Variants in N4BP2 observed in about 807,000 individuals in gnomAD.
N4BP2 encodes the protein NEDD4-binding protein 2.
A neutral mutation model predicts 152.8 loss-of-function variants in N4BP2; 91 were observed. The ratio of observed to expected loss-of-function variants is 0.60; its 90% CI spans 0.50 to 0.71. The LOEUF (loss-of-function observed/expected upper bound fraction) is 0.71, where lower values mean the gene tolerates loss of function less well. N4BP2 is among the 30% of genes least tolerant of loss of function. N4BP2 has a pLI of 0.00. For synonymous variants in N4BP2, 646 were observed against 705.3 expected, an observed-to-expected ratio of 0.92 and a Z score of 1.33; for missense variants, 1,923 against 2,059.1, an observed-to-expected ratio of 0.93 and a Z score of 1.28.
the N4BP2 span, among the ~76,000 whole-genome samples, chr4:40,178,299 A>G: frequency 1.3e-5 from 2 of 152,252 alleles, no homozygotes; most frequent in African/African-American, 4.8e-5. Flanking sequence ...TAGAATCAGA[A>G]ATGAATAAAT....
At chr4:40,131,582 G>A (rs780381234) in intron 12 of N4BP2, among the ~76,000 whole-genome samples, 15 of 150,440 alleles carry the variant, frequency 1.0e-4, no homozygotes, top group Non-Finnish European at 1.3e-4. Context: ...GTGTGTGTGT[G>A]TATATTTATA....
intron 5 of N4BP2, among the ~76,000 whole-genome samples, chr4:40,111,433 G>A (rs1375923035): frequency 6.6e-6 from 1 of 151,828 alleles, no homozygotes; most frequent in Non-Finnish European, 1.5e-5. Context: ...TGATTCTGCT[G>A]TCTCAGCCTC....
chr4:40,108,320 CT>C (rs202172201), intron 5 of N4BP2, among the ~76,000 whole-genome samples: 3 of 146,954 alleles, frequency 2.0e-5, no homozygotes, highest in Non-Finnish European at 4.5e-5. Context: ...TTGGTTTACT[CT>C]TTTTTTTTTG....
At chr4:40,089,627 G>C (rs1207365711) in intron 2 of N4BP2, among the ~76,000 whole-genome samples, 1 of 151,754 alleles carries the variant, frequency 6.6e-6, no homozygotes, top group Non-Finnish European at 1.5e-5. Context: ...AGTAGAGACG[G>C]GGTTTCGCCA....
Position 40,121,221 on chromosome 4 carries a change from A to G in N4BP2, c.3110A>G (p.Asp1037Gly), listed in dbSNP as rs1433041574. ...GAAAAGAATAAAATTAGCATTTCAGATTCTATCAAAGTATTAACAGGAAGA... is the reference window on the plus strand; with the variant it reads ...GAAAAGAATAAAATTAGCATTTCAGGTTCTATCAAAGTATTAACAGGAAGA... The part of the protein sequence containing the change: ...KIEKNKISIS[D>G]SIKVLTGRLD... The change falls in exon 9 of 18, where the codon GAT becomes GGT. Residue 1037 changes from aspartate to glycine, a missense_variant. Coordinates refer to ENST00000261435, the MANE Select transcript of N4BP2 (RefSeq NM_018177.6). 2 of 1,613,860 alleles carry G rather than the reference A, an allele frequency of 1.2e-6. No individual in the cohort carries two copies. Among genetic ancestry groups the G allele is most frequent in the Middle Eastern group, 3.3e-4 (2 of 6,060 alleles).
intron 3 of N4BP2, 42 bp from the exon 4 acceptor site, chr4:40,102,029 CTCTG>C (rs769108970): frequency 1.7e-6 from 2 of 1,160,658 alleles, no homozygotes; most frequent in South Asian, 3.8e-5. Context: ...AATCTGTTTT[CTCTG>C]TCTATATTTT....
chr4:40,134,676 T>C (rs1344222954), intron 13 of N4BP2, among the ~76,000 whole-genome samples: 1 of 152,114 alleles, frequency 6.6e-6, no homozygotes, highest in African/African-American at 2.4e-5. Context: ...ATCCAGCCCC[T>C]AATACTGATA....
chr4:40,159,354 G>A (rs1440140723), downstream of N4BP2, among the ~76,000 whole-genome samples: 1 of 152,156 alleles, frequency 6.6e-6, no homozygotes, highest in Non-Finnish European at 1.5e-5. Context: ...AATGGCAAAA[G>A]GTAAAAGTTT....
chr4:40,101,446 A>G (rs185086142), intron 3 of N4BP2, among the ~76,000 whole-genome samples: 259 of 152,290 alleles, frequency 1.7e-3, no homozygotes, highest in African/African-American at 5.8e-3. Context: ...AGGCATGAGC[A>G]ACCACGCCAA....
chr4:40,121,597 T>C lies in N4BP2; in HGVS notation c.3486T>C (p.Ile1162=). ...PFSLGLNLKE[I]ISQRGTLENS... is the part of the protein sequence containing the mutation. ...CTCTGGGGTTGAATTTGAAAGAAAT[T>C]ATTAGCCAAAGAGGAACTTTAGAGA... The change falls in exon 9 of 18, where the codon ATT becomes ATC. Residue 1162 remains isoleucine (I), a synonymous_variant. Transcript: ENST00000261435. The C allele has an allele frequency of 6.2e-7, 1 of 1,614,126 alleles. No individual in the cohort carries two copies. Among genetic ancestry groups the C allele is most frequent in the Non-Finnish European group, 8.5e-7 (1 of 1,180,000 alleles).
At chr4:40,080,739 G>A (rs1713275701) in intron 2 of N4BP2, among the ~76,000 whole-genome samples, 1 of 151,840 alleles carries the variant, frequency 6.6e-6, no homozygotes, top group South Asian at 2.1e-4. Flanking sequence ...CTCACTGCAA[G>A]CTCCGCCTCC....
the N4BP2 span, among the ~76,000 whole-genome samples, chr4:40,189,872 T>G: frequency 2.0e-5 from 3 of 151,282 alleles, no homozygotes; most frequent in Admixed American, 2.0e-4. The surrounding 1 kb of genome is among the most constrained non-coding windows in gnomAD (Gnocchi z 4.3). Flanking sequence ...CTGGGCGACA[T>G]GGGGAGAGGG....
chr4:40,107,606 A>G (rs895834513), intron 5 of N4BP2, among the ~76,000 whole-genome samples: 3 of 150,990 alleles, frequency 2.0e-5, no homozygotes, highest in African/African-American at 7.3e-5. Flanking sequence ...CTGGTCTCGA[A>G]CTCCTGACCT....
chr4:40,102,169 A>C lies in N4BP2; in HGVS notation c.324A>C (p.Gln108His). 6.2e-7 allele frequency: 1 copy of C among 1,613,824 alleles called. No individual in the cohort carries two copies. Among genetic ancestry groups the C allele is most frequent in the Non-Finnish European group, 8.5e-7 (1 of 1,179,850 alleles). Residue 108 changes from glutamine to histidine, a missense_variant, in exon 4 of 18, where the codon CAA becomes CAC. Gln to His is a conservative substitution (Grantham distance 24). Coordinates refer to ENST00000261435, the MANE Select transcript of N4BP2 (RefSeq NM_018177.6). Reference protein sequence around the residue: ...SSQSFVASENQVGAAESKIME... With the variant: ...SSQSFVASENHVGAAESKIME... ...AAAGTTTCGTTGCTTCTGAGAACCA[A>C]GTAGGTGCAGCAGAAAGTAAAATAA...
intron 2 of N4BP2, among the ~76,000 whole-genome samples, chr4:40,090,364 G>A (rs73229746): frequency 0.29 from 44,303 of 151,904 alleles, 6,738 homozygotes; most frequent in South Asian, 0.48. Flanking sequence ...TATCAATTTG[G>A]GGAAGAATTG....
At chr4:40,171,625 T>C in the N4BP2 span, among the ~76,000 whole-genome samples, 1 of 152,146 alleles carries the variant, frequency 6.6e-6, no homozygotes. Context: ...CAGGGTTCTC[T>C]AGAAGGACAG....
rs1187122505 is a variant in N4BP2, at chr4:40,102,211, A to G, written c.366A>G (p.Glu122=). The G allele has an allele frequency of 1.2e-6, 2 of 1,614,072 alleles. No homozygotes were observed. Among genetic ancestry groups the G allele is most frequent in the Non-Finnish European group, 1.7e-6 (2 of 1,179,994 alleles). The change falls in exon 4 of 18, where the codon GAA becomes GAG. Residue 122 remains glutamate, a synonymous_variant. Coordinates refer to ENST00000261435, the MANE Select transcript of N4BP2 (RefSeq NM_018177.6). The part of the protein sequence containing the change: ...AESKIMEKRP[E]EESEDSKMDS... ...GTAAAATAATGGAAAAACGTCCTGAAGAAGAGAGTGAAGATTCAAAAATGG... is the reference window on the plus strand; with the variant it reads ...GTAAAATAATGGAAAAACGTCCTGAGGAAGAGAGTGAAGATTCAAAAATGG...
In N4BP2 at chr4:40,120,473, G is replaced by T. The variant is rs1194132229; in HGVS notation, c.2362G>T (p.Val788Phe). ...KFPRHELSNF[V>F]GDWPVDKTIG... ...CCCAAGACATGAGCTATCAAATTTT[G>T]TTGGTGACTGGCCAGTTGATAAGAC... is the stretch of plus-strand genomic sequence containing the variant. Residue 788 changes from valine (V) to phenylalanine (F), a missense_variant, in exon 9 of 18, where the codon GTT becomes TTT. Val to Phe is a conservative substitution (Grantham distance 50, BLOSUM62 -1). Coordinates refer to ENST00000261435, the MANE Select transcript of N4BP2 (RefSeq NM_018177.6). 1.9e-6 allele frequency: 3 copies of T among 1,613,770 alleles called. No homozygotes were observed. Among genetic ancestry groups the T allele is most frequent in the Non-Finnish European group, 2.5e-6 (3 of 1,179,990 alleles).
intron 2 of N4BP2, among the ~76,000 whole-genome samples, chr4:40,088,586 C>T (rs560590007): frequency 1.8e-4 from 28 of 151,806 alleles, no homozygotes; most frequent in Admixed American, 2.6e-4. Flanking sequence ...CTGCAGCCTC[C>T]GCCTCCCGGG....
Sources: allele counts gnomAD v4.1 joint callset (sites outside exome capture counted in the v4.1 genomes callset), GRCh38; gene constraint gnomAD v4.1.1; non-coding constraint Gnocchi (gnomAD v3.1); transcripts MANE v1.5; gene names NCBI Gene and HGNC (gene_info 2026-07-23, HGNC 2026-07-21).